DIS3L2: variants seen among roughly 807,000 people sequenced by gnomAD.
The protein encoded by DIS3L2 is DIS3-like exonuclease 2.
Under a neutral mutation model 97.5 loss-of-function variants are expected in DIS3L2, and 34 were observed. The ratio of observed to expected loss-of-function variants is 0.35; its 90% CI spans 0.27 to 0.46. The LOEUF is 0.46. DIS3L2 is among the 20% of genes least tolerant of loss of function. DIS3L2 has a pLI of 1.00. For synonymous variants in DIS3L2, 435 were observed against 445.2 expected (o/e 0.98, Z 0.29); for missense variants, 1,038 against 1,146.0 (o/e 0.91, Z 1.36).
rs369336196 is a variant in DIS3L2 at position 232,042,099 on chromosome 2, CT to C, written c.366+12021del. Reference sequence around the variant, plus strand: ...GATTGGCACTGAAAGAAAGAAATAACTTGAGTCTGAAAGAATAAAGGAAGTG... The same window carrying C: ...GATTGGCACTGAAAGAAAGAAATAACTGAGTCTGAAAGAATAAAGGAAGTG... On this transcript the variant is annotated intron_variant, in intron 5 of 20. Transcript: ENST00000325385. Among the ~76,000 whole-genome samples the C allele has an allele frequency of 1.3e-4, 20 of 152,210 alleles. 2 individuals carry two copies. Among genetic ancestry groups the C allele is most frequent in the African/African-American group, 4.8e-4 (20 of 41,548 alleles).
chr2:232,221,928 G>A (rs1481204628), intron 10 of DIS3L2, among the ~76,000 whole-genome samples: 1 of 152,012 alleles, frequency 6.6e-6, no homozygotes, highest in Non-Finnish European at 1.5e-5. Context: ...CCTCTTCCAT[G>A]CGAAGTCATT....
At chr2:232,140,629 T>G (rs896619451) in intron 8 of DIS3L2, among the ~76,000 whole-genome samples, 5 of 152,206 alleles carry the variant, frequency 3.3e-5, no homozygotes, top group Non-Finnish European at 7.3e-5. Flanking sequence ...TTGAATAGAA[T>G]GCACACATTA....
intron 13 of DIS3L2, among the ~76,000 whole-genome samples, chr2:232,288,856 C>A (rs1414522627): frequency 6.6e-6 from 1 of 151,920 alleles, no homozygotes; most frequent in African/African-American, 2.4e-5. Context: ...TTATATATAC[C>A]CTCATCTGTT....
At chr2:232,080,469 C>T (rs1696353938) in intron 5 of DIS3L2, among the ~76,000 whole-genome samples, 1 of 152,148 alleles carries the variant, frequency 6.6e-6, no homozygotes, top group Non-Finnish European at 1.5e-5. Flanking sequence ...CATTTCATCC[C>T]TGAATACTTC....
At chr2:231,975,931 T>C (rs186779355) in intron 1 of DIS3L2, among the ~76,000 whole-genome samples, 448 of 151,934 alleles carry the variant, frequency 2.9e-3, no homozygotes, top group Non-Finnish European at 4.7e-3. Flanking sequence ...CAGTCCTCCT[T>C]CTTCTTCTCT....
chr2:232,029,615 C>A (rs1325164284), intron 4 of DIS3L2, among the ~76,000 whole-genome samples: 1 of 151,870 alleles, frequency 6.6e-6, no homozygotes, highest in Non-Finnish European at 1.5e-5. Context: ...CTTAGGTCTC[C>A]GTAAAAACAA....
In DIS3L2 at chr2:232,329,919, A is replaced by AGGATG. The variant is rs1695686223; in HGVS notation, c.1847_1851dup (p.Leu618GlyfsTer29). 6.2e-7 allele frequency: 1 copy of AGGATG among 1,612,894 alleles called. No homozygotes were observed. Among genetic ancestry groups the AGGATG allele is most frequent in the South Asian group, 1.1e-5 (1 of 90,992 alleles). On this transcript the variant is annotated frameshift_variant, in exon 15 of 21. Transcript: ENST00000325385. LOFTEE classifies it high-confidence loss of function. Reference sequence around the variant, plus strand: ...GCGCCGGCACCCCCCGCCCCAAACAAGGATGCTCAGTGACCTGGTGGAATT... The same window carrying AGGATG: ...GCGCCGGCACCCCCCGCCCCAAACAAGGATGGGATGCTCAGTGACCTGGTGGAATT...
chr2:232,013,298 A>T (rs1694263379), intron 1 of DIS3L2, among the ~76,000 whole-genome samples: 1 of 152,282 alleles, frequency 6.6e-6, no homozygotes, highest in African/African-American at 2.4e-5. Context: ...AAACAATTCT[A>T]ATCTGTTGTT....
At chr2:232,147,132 TTTAA>T (rs1690240380) in intron 8 of DIS3L2, among the ~76,000 whole-genome samples, 1 of 152,106 alleles carries the variant, frequency 6.6e-6, no homozygotes, top group African/African-American at 2.4e-5. Flanking sequence ...TAAACTTAAT[TTTAA>T]TTAATTAATT....
chr2:232,089,279 A>G (rs1169691504), intron 6 of DIS3L2, among the ~76,000 whole-genome samples: 1 of 152,190 alleles, frequency 6.6e-6, no homozygotes, highest in Non-Finnish European at 1.5e-5. Flanking sequence ...AGGTACTGCT[A>G]TGGGCCCCAC....
In DIS3L2 at chr2:232,015,621, A is replaced by T; in HGVS notation, c.160A>T (p.Met54Leu). Reference protein sequence around the residue: ...GKKKSIFETYMSKEDVSEGLK... With the variant: ...GKKKSIFETYLSKEDVSEGLK... The stretch of plus-strand genomic sequence containing the variant: ...GAAAAAGAGCATATTTGAAACTTAC[A>T]TGTCCAAGGAGGATGTTTCAGAAGG... The change falls in exon 3 of 21, where the codon ATG (methionine) becomes TTG (leucine). Residue 54 changes from methionine to leucine, a missense_variant. By Grantham distance (15) the Met-to-Leu change is conservative. This residue lies in a region of DIS3L2 where 813 missense variants were observed against 880.1 expected (regional missense o/e 0.92). Transcript: ENST00000325385. 1.2e-6 allele frequency: 2 copies of T among 1,614,042 alleles called. No individual in the cohort carries two copies. Among genetic ancestry groups the T allele is most frequent in the Non-Finnish European group, 1.7e-6 (2 of 1,179,926 alleles).
At position 231,985,208 on chromosome 2, in the gene DIS3L2, C is replaced by T. The variant is rs550307835; in HGVS notation, c.-94+23443C>T. ...TAAAGAAGAGTTCCATCACAAAGATCCCTTGTGCTACATTTTCATAGCCAC... is the reference window on the plus strand; with the variant it reads ...TAAAGAAGAGTTCCATCACAAAGATTCCTTGTGCTACATTTTCATAGCCAC... On this transcript the variant is annotated intron_variant, in intron 1 of 20. Transcript: ENST00000325385. Among the ~76,000 whole-genome samples the T allele has an allele frequency of 2.6e-5, 4 of 152,324 alleles. No individual in the cohort carries two copies. The South Asian group carries it at 8.3e-4, about 32-fold the overall frequency.
chr2:232,077,676 T>C (rs1379309795), intron 5 of DIS3L2, among the ~76,000 whole-genome samples: 1 of 152,184 alleles, frequency 6.6e-6, no homozygotes, highest in Non-Finnish European at 1.5e-5. Flanking sequence ...TTAGACTAAA[T>C]CTCCAAGGGA....
At chr2:232,240,304 A>G (rs543058288) in intron 11 of DIS3L2, among the ~76,000 whole-genome samples, 24 of 152,320 alleles carry the variant, frequency 1.6e-4, no homozygotes, top group African/African-American at 5.8e-4. Context: ...AGCTTTGCCT[A>G]CCATTCACAT....
intron 14 of DIS3L2, among the ~76,000 whole-genome samples, chr2:232,317,137 G>C (rs967593079): frequency 6.6e-6 from 1 of 152,192 alleles, no homozygotes; most frequent in African/African-American, 2.4e-5. Context: ...CACATTTGTG[G>C]GTAGAGTGTG....
chr2:232,324,831 G>T (rs918643889), intron 14 of DIS3L2, among the ~76,000 whole-genome samples: 1 of 152,188 alleles, frequency 6.6e-6, no homozygotes, highest in Non-Finnish European at 1.5e-5. Flanking sequence ...AACAAATTGA[G>T]ATTACATGAG....
intron 12 of DIS3L2, among the ~76,000 whole-genome samples, chr2:232,261,533 C>T (rs1281721754): frequency 6.6e-6 from 1 of 152,128 alleles, no homozygotes. Context: ...GCACCGGGGA[C>T]GTGTGCATGA....
At chr2:232,290,737 T>TA (rs1441910513) in intron 13 of DIS3L2, among the ~76,000 whole-genome samples, 2 of 152,202 alleles carry the variant, frequency 1.3e-5, no homozygotes, top group Non-Finnish European at 2.9e-5. Flanking sequence ...GAAGTGGCTT[T>TA]AAGTGAAAAC....
chr2:232,342,748 G>T (rs1559225482), intron 13 of DIS3L2, among the ~76,000 whole-genome samples: 3 of 152,154 alleles, frequency 2.0e-5, no homozygotes, highest in Non-Finnish European at 2.9e-5. Context: ...AATCCTCATT[G>T]CCTCCATAGA....
Sources: gnomAD v4.1 joint callset for allele counts (sites outside exome capture counted in the v4.1 genomes callset) on GRCh38, gnomAD v4.1.1 for gene constraint, gnomAD v4.1.1 regional missense constraint, MANE v1.5 for transcripts, NCBI Gene and HGNC (gene_info 2026-07-23, HGNC 2026-07-21) for gene names.